Variants in TEKT3 observed in about 807,000 individuals in gnomAD.
TEKT3 encodes tektin 3, also known as tektin-3.
In TEKT3, 49 loss-of-function variants were observed where a neutral mutation model predicts 49.8. That is an observed-to-expected ratio of 0.98 (90% confidence interval 0.78 to 1.25). The LOEUF (loss-of-function observed/expected upper bound fraction) is 1.25, where lower values mean the gene tolerates loss of function less well. Ranked by LOEUF, TEKT3 falls within the 50% of genes most tolerant of loss-of-function variation. The pLI is 0.00. For synonymous variants in TEKT3, 225 were observed against 237.2 expected (o/e 0.95, Z 0.47); for missense variants, 595 against 629.5 (o/e 0.95, Z 0.59).
chr17:15,314,716 C>G (rs1245622705), intron 5 of TEKT3, among the ~76,000 whole-genome samples: 1 of 152,180 alleles, frequency 6.6e-6, no homozygotes, highest in African/African-American at 2.4e-5. Flanking sequence ...AGCCTCCTGC[C>G]ATCCATTGGT....
At chr17:15,335,537 G>A (rs1236254142) in intron 2 of TEKT3, among the ~76,000 whole-genome samples, 1 of 152,184 alleles carries the variant, frequency 6.6e-6, no homozygotes, top group Non-Finnish European at 1.5e-5. Context: ...ACTCACTCTA[G>A]CAAAGCTTGA....
chr17:15,325,230 A>G (rs1437234139), intron 4 of TEKT3, among the ~76,000 whole-genome samples: 1 of 152,142 alleles, frequency 6.6e-6, no homozygotes, highest in Non-Finnish European at 1.5e-5. Flanking sequence ...GCTATTCACT[A>G]TCCTTTGAAT....
At chr17:15,321,881 G>C (rs929673497) in intron 4 of TEKT3, among the ~76,000 whole-genome samples, 61 of 152,218 alleles carry the variant, frequency 4.0e-4, no homozygotes, top group Non-Finnish European at 6.0e-4. Flanking sequence ...AAATGTTCAT[G>C]AAGCATCTGT....
At chr17:15,329,958 T>C (rs1911651360) in intron 3 of TEKT3, among the ~76,000 whole-genome samples, 1 of 152,102 alleles carries the variant, frequency 6.6e-6, no homozygotes, top group Non-Finnish European at 1.5e-5. Context: ...TGGAGGAGGG[T>C]GGAATGGGGT....
In TEKT3 at chr17:15,319,648, G is replaced by A. The variant is rs115888647; in HGVS notation, c.664-501C>T. ...TGGAGGCTGACTTCCACCCTGGGAG[G>A]TCGCCCTCCGGTCCTGCTTGTGTAC... is the stretch of plus-strand genomic sequence containing the variant. On this transcript the variant is annotated intron_variant, in intron 4 of 8. Coordinates refer to ENST00000395930, the MANE Select transcript of TEKT3 (RefSeq NM_031898.3). Among the ~76,000 whole-genome samples, 987 of 152,224 alleles carry A rather than the reference G, an allele frequency of 6.5e-3. 10 individuals are homozygous for A. The highest frequency in any genetic ancestry group is 0.022 in the African/African-American group (912 of 41,526).
At chr17:15,310,589 C>T (rs1910726413) in intron 7 of TEKT3, among the ~76,000 whole-genome samples, 1 of 152,032 alleles carries the variant, frequency 6.6e-6, no homozygotes, top group Non-Finnish European at 1.5e-5. Flanking sequence ...GAAAACCAAC[C>T]CTGCCGGCAC....
intron 8 of TEKT3, among the ~76,000 whole-genome samples, chr17:15,307,363 G>C (rs561156242): frequency 3.9e-4 from 60 of 152,326 alleles, no homozygotes; most frequent in Admixed American, 7.8e-4. Flanking sequence ...TCAAACTGCA[G>C]CTCTCTCACC....
intron 2 of TEKT3, among the ~76,000 whole-genome samples, chr17:15,336,702 T>C (rs1911995327): frequency 6.6e-6 from 1 of 152,220 alleles, no homozygotes; most frequent in Non-Finnish European, 1.5e-5. Context: ...TAGATGGCCA[T>C]ATTAGATTAT....
At chr17:15,325,595 G>GA (rs1911456224) in intron 4 of TEKT3, among the ~76,000 whole-genome samples, 2 of 152,156 alleles carry the variant, frequency 1.3e-5, no homozygotes, top group Non-Finnish European at 2.9e-5. Flanking sequence ...ATCTTTGCCA[G>GA]GTGATTCTAA....
At chr17:15,313,329 A>G (rs771799348) in intron 6 of TEKT3, among the ~76,000 whole-genome samples, 5 of 152,144 alleles carry the variant, frequency 3.3e-5, no homozygotes, top group Non-Finnish European at 4.4e-5. Context: ...TTTTTAAGAA[A>G]GTGGCTGGAA....
chr17:15,318,747 C>T (rs1911125958), intron 5 of TEKT3, among the ~76,000 whole-genome samples: 1 of 152,090 alleles, frequency 6.6e-6, no homozygotes, highest in Non-Finnish European at 1.5e-5. Flanking sequence ...ATTACATTGC[C>T]CAGGCTGGCC....
chr17:15,304,113 C>T lies in TEKT3; in HGVS notation c.1296G>A (p.Gln432=). 1 of 1,614,150 alleles carries T rather than the reference C, an allele frequency of 6.2e-7. No individual in the cohort carries two copies. Among genetic ancestry groups the T allele is most frequent in the Non-Finnish European group, 8.5e-7 (1 of 1,180,032 alleles). Residue 432 remains glutamine (Q), a synonymous_variant, in exon 9 of 9, where the codon CAG becomes CAA. Transcript: ENST00000395930. This position sits in a 1 kb window ranked among gnomAD's most constrained non-coding sequence, Gnocchi z 4.7. The part of the protein sequence containing the change: ...NEVHEVDDTI[Q]TLQQRLRDAE... ...CATCCCTCAGGCGCTGCTGCAGGGT[C>T]TGGATGGTGTCGTCAACCTCGTGTA... is the stretch of plus-strand genomic sequence containing the variant.
intron 2 of TEKT3, among the ~76,000 whole-genome samples, chr17:15,335,444 C>G (rs1430734967): frequency 6.6e-6 from 1 of 152,138 alleles, no homozygotes; most frequent in African/African-American, 2.4e-5. Flanking sequence ...CATTGACAAT[C>G]ACCTGGAGCA....
chr17:15,327,705 A>G, intron 4 of TEKT3: 1 of 345,198 alleles, frequency 2.9e-6, no homozygotes, highest in Non-Finnish European at 5.3e-6. Flanking sequence ...TGGTAGAAAA[A>G]AAAGCATGAT....
At chr17:15,332,020 A>G (rs956181180) in intron 2 of TEKT3, among the ~76,000 whole-genome samples, 119 of 152,118 alleles carry the variant, frequency 7.8e-4, no homozygotes, top group African/African-American at 2.7e-3. Flanking sequence ...CTCTGTTAAA[A>G]ATACAAAAAT....
In TEKT3 at chr17:15,314,241, G is replaced by A. The variant is rs746417977; in HGVS notation, c.735-11C>T. The A allele has an allele frequency of 6.2e-7, 1 of 1,614,060 alleles. No homozygotes were observed. Among genetic ancestry groups the A allele is most frequent in the East Asian group, 2.2e-5 (1 of 44,874 alleles). On this transcript the variant is annotated splice_polypyrimidine_tract_variant and intron_variant, in intron 5 of 8. Transcript: ENST00000395930. ...GACGCTCTGTTGGCTCTGCAATACA[G>A]AGTCGGGAAGTGGAGCTTCACACTC...
chr17:15,325,009 C>T (rs143125375), intron 4 of TEKT3, among the ~76,000 whole-genome samples: 1 of 152,110 alleles, frequency 6.6e-6, no homozygotes, highest in African/African-American at 2.4e-5. Context: ...TGTCCAAATA[C>T]CATTTGTTGA....
chr17:15,315,858 T>C (rs1434048290), intron 5 of TEKT3, among the ~76,000 whole-genome samples: 2 of 152,172 alleles, frequency 1.3e-5, no homozygotes, highest in Non-Finnish European at 2.9e-5. Flanking sequence ...GCTTGGGAAT[T>C]TCTATATTCT....
chr17:15,328,121 C>A (rs1911568407), intron 3 of TEKT3, 46 bp from the exon 4 acceptor site: 2 of 1,508,386 alleles, frequency 1.3e-6, no homozygotes, highest in Non-Finnish European at 1.8e-6. Flanking sequence ...AACTGACAAT[C>A]CATGACTAGC....
Sources: allele counts gnomAD v4.1 joint callset (sites outside exome capture counted in the v4.1 genomes callset), GRCh38; gene constraint gnomAD v4.1.1; non-coding constraint Gnocchi (gnomAD v3.1); transcripts MANE v1.5; gene names NCBI Gene and HGNC (gene_info 2026-07-23, HGNC 2026-07-21).